The following ABCA12 variants were observed in gnomAD, a reference collection of about 807,000 sequenced individuals.
ABCA12 encodes the protein glucosylceramide transporter ABCA12.
A neutral mutation model predicts 293.5 loss-of-function variants in ABCA12; 156 were observed. The observed-to-expected ratio is 0.53, with a 90% CI of 0.47 to 0.61. ABCA12 has a LOEUF of 0.61. Ranked by LOEUF, ABCA12 falls within the 20% of genes least tolerant of loss-of-function variation. The pLI, the probability that ABCA12 is intolerant of heterozygous loss-of-function variation, is 0.00. For synonymous variants in ABCA12, 1,063 were observed against 1,108.0 expected (o/e 0.96, Z 0.81); for missense variants, 2,797 against 3,090.2 (o/e 0.91, Z 2.25).
intron 1 of ABCA12, among the ~76,000 whole-genome samples, chr2:215,119,127 C>A (rs774276943): frequency 3.9e-5 from 6 of 152,098 alleles, no homozygotes; most frequent in Non-Finnish European, 7.4e-5. Context: ...TGTGCCACCA[C>A]GCCTGGCTAA....
chr2:215,111,816 A>C (rs553022900), intron 1 of ABCA12, 126 bp from the exon 2 acceptor site: 1 of 694,628 alleles, frequency 1.4e-6, no homozygotes, highest in East Asian at 2.7e-5. Context: ...CCAACTGTAG[A>C]TATTATTAAT....
At chr2:214,943,315 A>AT (rs67922532) in intron 49 of ABCA12, among the ~76,000 whole-genome samples, 10 of 150,658 alleles carry the variant, frequency 6.6e-5, no homozygotes, top group East Asian at 2.0e-4. Context: ...TTTAATTTTA[A>AT]TTTTTTTTTG....
chr2:215,107,226 T>G (rs151173337), intron 2 of ABCA12, among the ~76,000 whole-genome samples: 127 of 152,304 alleles, frequency 8.3e-4, no homozygotes, highest in Middle Eastern at 3.4e-3. Flanking sequence ...TTCATGGGTA[T>G]GTGTGTATTA....
At position 215,007,723 on chromosome 2, in the gene ABCA12, A is replaced by G; in HGVS notation, c.2592+4T>C. 6.2e-7 allele frequency: 1 copy of G among 1,611,460 alleles called. No individual in the cohort carries two copies. Among genetic ancestry groups the G allele is most frequent in the Non-Finnish European group, 8.5e-7 (1 of 1,177,666 alleles). On this transcript the variant is annotated splice_donor_region_variant and intron_variant, in intron 19 of 52. Transcript: ENST00000272895. ...CTAAGTTGAATGACAGAAGCATCTC[A>G]TACCTGGAGCATTGGAATTGCCTGG... is the stretch of plus-strand genomic sequence containing the variant.
intron 8 of ABCA12, chr2:215,032,222 A>G (rs1700894134): frequency 1.6e-6 from 1 of 606,576 alleles, no homozygotes; most frequent in South Asian, 3.5e-5. Flanking sequence ...ACTATAATGA[A>G]GATTGACTAC....
In ABCA12 at chr2:215,000,995, G is replaced by T; in HGVS notation, c.2889C>A (p.Asn963Lys). The stretch of plus-strand genomic sequence containing the variant: ...AGTCATAGCCTCTGTGCCAGCTTCT[G>T]TTAGAAGGAAGCTTAAAAATAACAC... ...FGSVIFKLPS[N>K]RSWHRGYDSG... is the part of the protein sequence containing the mutation. The change falls in exon 22 of 53, where the codon AAC (asparagine) becomes AAA (lysine). Residue 963 changes from asparagine to lysine, a missense_variant. Asn to Lys is a moderately conservative substitution (Grantham distance 94, BLOSUM62 0). Around this residue, in one of 3 missense-constraint regions of ABCA12, gnomAD observed 2,130 missense variants for 2,427.0 expected, o/e 0.88. Coordinates refer to ENST00000272895, the MANE Select transcript of ABCA12 (RefSeq NM_173076.3). 6.2e-7 allele frequency: 1 copy of T among 1,614,020 alleles called. No individual in the cohort carries two copies. The highest frequency in any genetic ancestry group is 8.5e-7 in the Non-Finnish European group (1 of 1,179,934).
chr2:214,960,216 T>A (rs370324284), intron 39 of ABCA12, among the ~76,000 whole-genome samples: 1 of 152,096 alleles, frequency 6.6e-6, no homozygotes, highest in East Asian at 1.9e-4. Context: ...AAAAACCAAG[T>A]TGATTTATAA....
At chr2:214,944,515 C>T (rs1425141946) in intron 49 of ABCA12, among the ~76,000 whole-genome samples, 4 of 151,870 alleles carry the variant, frequency 2.6e-5, no homozygotes, top group Non-Finnish European at 5.9e-5. Flanking sequence ...GAATGCAGAA[C>T]CAGGAAGGAG....
Position 214,949,991 on chromosome 2 carries a change from G to A in ABCA12, c.6853-842C>T, listed in dbSNP as rs143017672. Among the ~76,000 whole-genome samples the A allele has an allele frequency of 1.1e-3, 170 of 152,188 alleles. 2 individuals carry two copies. Among genetic ancestry groups the A allele is most frequent in the African/African-American group, 2.0e-3 (82 of 41,518 alleles). On this transcript the variant is annotated intron_variant, in intron 45 of 52. Transcript: ENST00000272895. ...TATATACAGTCAGCCCTCCTTATCC[G>A]AGTTTCTAACCTTTGGATCCAAAGG...
chr2:215,082,869 C>A (rs1701970103), intron 2 of ABCA12: 1 of 152,264 alleles, frequency 6.6e-6, no homozygotes, highest in African/African-American at 2.4e-5. Flanking sequence ...TTTAAAAGTA[C>A]TTTCACGAAT....
Position 215,016,582 on chromosome 2 carries a change from CAAAAAAAAAAAAAAAAAAAA to C in ABCA12, c.1783-939_1783-920del, listed in dbSNP as rs71041981. 1.0e-4 allele frequency among the ~76,000 whole-genome samples: 3 copies of C among 29,946 alleles called. 1 individual carries two copies. Among genetic ancestry groups the C allele is most frequent in the South Asian group, 7.1e-3 (2 of 280 alleles). The allele number at this position is 29,946 out of a possible 152,430, so 19.6% of individuals were successfully genotyped here. On this transcript the variant is annotated intron_variant, in intron 14 of 52. Coordinates refer to ENST00000272895, the MANE Select transcript of ABCA12 (RefSeq NM_173076.3). Reference sequence around the variant, plus strand: ...TGGGCAACAGACCATGACTCTGTCTCAAAAAAAAAAAAAAAAAAAAAAAAAAAAAAAAGACTTTGCTCCCT... The same window carrying C: ...TGGGCAACAGACCATGACTCTGTCTCAAAAAAAAAAAAGACTTTGCTCCCT...
chr2:215,089,715 A>G (rs1402419105), intron 2 of ABCA12, among the ~76,000 whole-genome samples: 2 of 152,256 alleles, frequency 1.3e-5, no homozygotes, highest in African/African-American at 2.4e-5. Context: ...GTACCTAAGT[A>G]TAGCAACCAA....
intron 8 of ABCA12, among the ~76,000 whole-genome samples, chr2:215,035,613 C>A (rs1464720872): frequency 6.9e-6 from 1 of 144,892 alleles, no homozygotes; most frequent in Admixed American, 7.3e-5. Context: ...TACGGTGAGC[C>A]GAGATCGCGC....
At chr2:215,032,016 A>G (rs1700889364) in intron 8 of ABCA12, 120 bp from the exon 9 acceptor site, 2 of 1,564,142 alleles carry the variant, frequency 1.3e-6, no homozygotes, top group Admixed American at 1.8e-5. Flanking sequence ...CTGCAGAATC[A>G]TTCTCAAAAG....
At chr2:215,013,420 A>G (rs1296088168) in intron 15 of ABCA12, 1 of 152,254 alleles carries the variant, frequency 6.6e-6, no homozygotes. Flanking sequence ...TCAGTTAGAG[A>G]GGTAGCTTTG....
chr2:214,991,122 T>A, intron 23 of ABCA12, 91 bp from the exon 24 acceptor site: 1 of 1,149,204 alleles, frequency 8.7e-7, no homozygotes, highest in Admixed American at 1.9e-5. Flanking sequence ...GTCATGATAG[T>A]CTCTCTGTAT....
At chr2:215,061,052 G>A (rs1701517689) in intron 3 of ABCA12, among the ~76,000 whole-genome samples, 1 of 152,020 alleles carries the variant, frequency 6.6e-6, no homozygotes, top group South Asian at 2.1e-4. Context: ...GTGAGCAATG[G>A]CACATGGCCA....
intron 2 of ABCA12, among the ~76,000 whole-genome samples, chr2:215,071,374 G>A (rs1317430744): frequency 2.0e-5 from 3 of 151,648 alleles, no homozygotes; most frequent in African/African-American, 7.3e-5. Flanking sequence ...GATAACCTCC[G>A]AGAAATCAAG....
chr2:215,122,521 A>G (rs1238913798), intron 1 of ABCA12, among the ~76,000 whole-genome samples: 8 of 152,186 alleles, frequency 5.3e-5, no homozygotes, highest in Admixed American at 5.2e-4. Flanking sequence ...GTCACTGTGA[A>G]AGGTGGTAAT....
Sources: gnomAD v4.1 joint callset for allele counts (sites outside exome capture counted in the v4.1 genomes callset) on GRCh38, gnomAD v4.1.1 for gene constraint, gnomAD v4.1.1 regional missense constraint, MANE v1.5 for transcripts, NCBI Gene and HGNC (gene_info 2026-07-23, HGNC 2026-07-21) for gene names.